WDR91: variants seen among roughly 807,000 people sequenced by gnomAD.
WDR91 encodes WD repeat-containing protein 91.
In WDR91, 52 loss-of-function variants were observed where a neutral mutation model predicts 88.4. The observed-to-expected ratio is 0.59, with a 90% CI of 0.47 to 0.74. WDR91 has a LOEUF of 0.74. Ranked by LOEUF, WDR91 falls within the 30% of genes least tolerant of loss-of-function variation. WDR91 has a pLI of 0.00. For synonymous variants in WDR91, 362 were observed against 389.5 expected (o/e 0.93, Z 0.83); for missense variants, 824 against 954.5 (o/e 0.86, Z 1.80).
chr7:135,190,832 CAA>C (rs1016852360), intron 11 of WDR91, among the ~76,000 whole-genome samples: 2 of 151,872 alleles, frequency 1.3e-5, no homozygotes, highest in Non-Finnish European at 2.9e-5. Flanking sequence ...CAAAGTGAAA[CAA>C]AAAAGAGGAA....
intron 11 of WDR91, among the ~76,000 whole-genome samples, chr7:135,190,991 A>G (rs561441870): frequency 1.3e-5 from 2 of 152,360 alleles, no homozygotes; most frequent in South Asian, 4.1e-4. Context: ...TCCCAAGCAA[A>G]ACTTCAAAAA....
At chr7:135,192,437 T>C (rs1483350576) in intron 11 of WDR91, among the ~76,000 whole-genome samples, 2 of 152,096 alleles carry the variant, frequency 1.3e-5, no homozygotes, top group African/African-American at 2.4e-5. Context: ...AATTTCTAAG[T>C]GAGGCACATT....
chr7:135,204,212 C>T, intron 6 of WDR91, 56 bp downstream of exon 6: 22 of 1,591,840 alleles, frequency 1.4e-5, no homozygotes, highest in Non-Finnish European at 1.9e-5. Context: ...TCTGGAAGCA[C>T]AGGGAGCTGT....
chr7:135,210,787 C>A (rs1251226240), intron 1 of WDR91: 1 of 703,622 alleles, frequency 1.4e-6, no homozygotes, highest in South Asian at 1.5e-5. Context: ...TCATTGAAGT[C>A]AGTACACACA....
intron 7 of WDR91, 114 bp downstream of exon 7, chr7:135,197,879 A>C: frequency 1.5e-6 from 2 of 1,362,560 alleles, no homozygotes; most frequent in South Asian, 3.1e-5. Context: ...CCAATTAAGC[A>C]AAAGCACACT....
chr7:135,203,001 G>A (rs1385777202), intron 6 of WDR91, among the ~76,000 whole-genome samples: 1 of 152,196 alleles, frequency 6.6e-6, no homozygotes, highest in African/African-American at 2.4e-5. Flanking sequence ...CATTTACTGA[G>A]TGCTGACCCT....
At chr7:135,193,446 G>T in intron 10 of WDR91, 47 bp from the exon 11 acceptor site, 1 of 1,611,042 alleles carries the variant, frequency 6.2e-7, no homozygotes. Flanking sequence ...TGCCCACAGA[G>T]GGAGGGTGCA....
At position 135,211,317 on chromosome 7, in the gene WDR91, G is replaced by A. The variant is rs1832009708; in HGVS notation, c.123+63C>T. ...TCTCGCCCCGGAGGCAGTGCTGGGGGGAAGCCCGCTCCCCGGCTCCCTCGG... is the reference window on the plus strand; with the variant it reads ...TCTCGCCCCGGAGGCAGTGCTGGGGAGAAGCCCGCTCCCCGGCTCCCTCGG... On this transcript the variant is annotated intron_variant, in intron 1 of 14. Coordinates refer to ENST00000354475, the MANE Select transcript of WDR91 (RefSeq NM_014149.4). 2.6e-6 allele frequency: 4 copies of A among 1,552,674 alleles called. No individual in the cohort carries two copies. The East Asian group carries it at 7.3e-5, about 28-fold the overall frequency.
chr7:135,193,717 A>G (rs767303170), intron 9 of WDR91, 45 bp from the exon 10 acceptor site: 4 of 1,553,544 alleles, frequency 2.6e-6, no homozygotes, highest in Non-Finnish European at 3.5e-6. Flanking sequence ...GCATGGAGTG[A>G]GGCTGAGTCA....
At chr7:135,186,374 T>C in intron 14 of WDR91, 59 bp from the exon 15 acceptor site, 1 of 1,561,798 alleles carries the variant, frequency 6.4e-7, no homozygotes, top group Non-Finnish European at 8.7e-7. Flanking sequence ...ACACACTTGA[T>C]CCACTTTCAG....
At chr7:135,205,753 C>T (rs1831746673) in intron 5 of WDR91, among the ~76,000 whole-genome samples, 175 bp downstream of exon 5, 1 of 152,134 alleles carries the variant, frequency 6.6e-6, no homozygotes, top group Non-Finnish European at 1.5e-5. Context: ...GAGCGAGACT[C>T]CATCTCTAAA....
chr7:135,191,629 A>T (rs1831170497), intron 11 of WDR91, among the ~76,000 whole-genome samples: 1 of 143,112 alleles, frequency 7.0e-6, no homozygotes, highest in African/African-American at 2.5e-5. Flanking sequence ...AAAAAAAGTA[A>T]GGCAACAGTA....
At chr7:135,189,307 A>T (rs1320850845) in intron 12 of WDR91, 37 bp downstream of exon 12, 1 of 1,577,906 alleles carries the variant, frequency 6.3e-7, no homozygotes, top group Admixed American at 1.8e-5. Flanking sequence ...TGGGAAATCT[A>T]AGGAGATCAA....
rs117105420 is a variant in WDR91, at chr7:135,208,267, C to T, written c.511+524G>A. ...TTACCTGCATTCTCATTCATTCCCC[C>T]TCTCCAATACCCGCATATATATTCT... On this transcript the variant is annotated intron_variant, in intron 3 of 14. Transcript: ENST00000354475. 1.3e-3 allele frequency among the ~76,000 whole-genome samples: 199 copies of T among 152,290 alleles called. 1 individual carries two copies. The highest frequency in any genetic ancestry group is 2.3e-3 in the Non-Finnish European group (154 of 68,018).
chr7:135,193,728 G>A (rs1831261749), intron 9 of WDR91, 56 bp from the exon 10 acceptor site: 2 of 1,507,716 alleles, frequency 1.3e-6, no homozygotes, highest in South Asian at 2.3e-5. Flanking sequence ...GGCTGAGTCA[G>A]GGAGGATCTC....
rs1830919164 is a variant in WDR91, at chr7:135,185,919, T to C, written c.*232A>G. ...AGCTTTCCTCCCATAGTCTCACATG[T>C]ACTCCTGGCACAGCCACAATACCAG... is the stretch of plus-strand genomic sequence containing the variant. On this transcript the variant is annotated 3_prime_UTR_variant, in exon 15 of 15. Coordinates refer to ENST00000354475, the MANE Select transcript of WDR91 (RefSeq NM_014149.4). 2 of 503,336 alleles carry C rather than the reference T, an allele frequency of 4.0e-6. No homozygotes were observed. Among genetic ancestry groups the C allele is most frequent in the East Asian group, 7.2e-5 (2 of 27,952 alleles). The allele number at this position is 503,336 out of a possible 1,614,324, so 31.2% of individuals were successfully genotyped here. A position where few individuals can be genotyped will look rare whatever the true frequency, so the allele number is the denominator to read the frequency against.
rs536248768 is a variant in WDR91 at position 135,211,319 on chromosome 7, A to C, written c.123+61T>G. ...TCGCCCCGGAGGCAGTGCTGGGGGG[A>C]AGCCCGCTCCCCGGCTCCCTCGGGC... On this transcript the variant is annotated intron_variant, in intron 1 of 14. Coordinates refer to ENST00000354475, the MANE Select transcript of WDR91 (RefSeq NM_014149.4). 71 of 1,552,994 alleles carry C rather than the reference A, an allele frequency of 4.6e-5. No individual in the cohort carries two copies. The African/African-American group carries it at 8.4e-4, about 18-fold the overall frequency.
chr7:135,184,372 G>C lies in WDR91; in HGVS notation c.*1779C>G, dbSNP rs1053823486. On this transcript the variant is annotated 3_prime_UTR_variant, in exon 15 of 15. Transcript: ENST00000354475. ...CTCCAGCCTTGTGCCCCTAGAACTG[G>C]GCTGGAGCTCAGAGACTTAAAATGA... 1 of 152,094 alleles carries C rather than the reference G, an allele frequency of 6.6e-6. No individual in the cohort carries two copies. The highest frequency in any genetic ancestry group is 1.5e-5 in the Non-Finnish European group (1 of 68,024). 9.4% of individuals were successfully genotyped at this position (152,094 alleles called of 1,614,324 possible).
rs372035798 is a variant in WDR91 at position 135,187,098 on chromosome 7, G to A, written c.1953C>T (p.Gly651=). Residue 651 remains glycine (G), a synonymous_variant, in exon 14 of 15, where the codon GGC becomes GGT. Coordinates refer to ENST00000354475, the MANE Select transcript of WDR91 (RefSeq NM_014149.4). ...CGCTGTATCCAGACAGCACAAAGGG[G>A]CCCGTGGCATCTGAGGGGAGGCTGT... ...SEYSLPSDAT[G]PFVLSGYSGY... The A allele has an allele frequency of 1.1e-4, 174 of 1,614,154 alleles. No individual in the cohort carries two copies. The highest frequency in any genetic ancestry group is 1.4e-4 in the Non-Finnish European group (169 of 1,180,060).
Sources: allele counts gnomAD v4.1 joint callset (sites outside exome capture counted in the v4.1 genomes callset), GRCh38; gene constraint gnomAD v4.1.1; transcripts MANE v1.5; gene names NCBI Gene and HGNC (gene_info 2026-07-23, HGNC 2026-07-21).